Variants in METTL15 observed in about 807,000 individuals in gnomAD.
METTL15 encodes 12S rRNA N(4)-cytidine methyltransferase METTL15.
METTL15 carries 34 observed loss-of-function variants against 38.3 expected under a neutral mutation model. The ratio of observed to expected loss-of-function variants is 0.89; its 90% CI spans 0.68 to 1.18. METTL15 has a LOEUF of 1.18. Ranked by LOEUF, METTL15 falls within the 50% of genes most tolerant of loss-of-function variation. METTL15 has a pLI of 0.00. For synonymous variants in METTL15, 162 were observed against 170.9 expected (o/e 0.95, Z 0.41); for missense variants, 438 against 498.4 (o/e 0.88, Z 1.15).
chr11:28,170,895 A>G (rs940219570), intron 3 of METTL15, among the ~76,000 whole-genome samples: 1 of 152,140 alleles, frequency 6.6e-6, no homozygotes, highest in African/African-American at 2.4e-5. Flanking sequence ...GTGACTTACA[A>G]TGCCTAACCT....
intron 4 of METTL15, among the ~76,000 whole-genome samples, chr11:28,279,618 T>A (rs1277780138): frequency 6.6e-6 from 1 of 152,134 alleles, no homozygotes; most frequent in African/African-American, 2.4e-5. Flanking sequence ...AAGACTAACA[T>A]GGCCGGGTGC....
chr11:28,495,275 G>A (rs1203718431), intron 6 of METTL15, among the ~76,000 whole-genome samples: 1 of 152,170 alleles, frequency 6.6e-6, no homozygotes, highest in Non-Finnish European at 1.5e-5. Context: ...AGAGGGATGA[G>A]CTGTTGCAAA....
At chr11:28,175,051 CTCA>C (rs1851011228) in intron 3 of METTL15, among the ~76,000 whole-genome samples, 1 of 151,928 alleles carries the variant, frequency 6.6e-6, no homozygotes, top group Non-Finnish European at 1.5e-5. Context: ...CACCCAGTAA[CTCA>C]TCATTTAACA....
intron 3 of METTL15, among the ~76,000 whole-genome samples, chr11:28,127,687 C>G (rs757207668): frequency 2.0e-5 from 3 of 151,964 alleles, no homozygotes; most frequent in Admixed American, 6.6e-5. Flanking sequence ...TTGAAAGAAG[C>G]ATTTTATTGC....
At chr11:28,389,346 G>C (rs1379107107) in intron 5 of METTL15, among the ~76,000 whole-genome samples, 1 of 148,052 alleles carries the variant, frequency 6.8e-6, no homozygotes, top group Non-Finnish European at 1.5e-5. Context: ...TCGTCATTTA[G>C]CATTAGGTAA....
chr11:28,428,887 T>G (rs1456429455), intron 6 of METTL15, among the ~76,000 whole-genome samples: 1 of 152,220 alleles, frequency 6.6e-6, no homozygotes, highest in Admixed American at 6.5e-5. Context: ...ACCTGATACC[T>G]GGCATCCTAT....
At position 28,393,015 on chromosome 11, in the gene METTL15, C is replaced by T. The variant is rs78636577; in HGVS notation, c.*358+30979C>T. 0.012 allele frequency among the ~76,000 whole-genome samples: 1,800 copies of T among 151,998 alleles called. 211 individuals carry two copies. The East Asian group carries it at 0.29, about 24-fold the overall frequency. On this transcript the variant is annotated intron_variant and NMD_transcript_variant, in intron 5 of 7. Coordinates refer to the METTL15 transcript ENST00000532947. ...AAAAAGAAAAAAAAGCAAAACAGAA[C>T]ATAACCAGTGCTATTGGCAAGGATG...
chr11:28,388,749 T>A (rs538313168), intron 5 of METTL15, among the ~76,000 whole-genome samples: 1 of 152,280 alleles, frequency 6.6e-6, no homozygotes, highest in East Asian at 1.9e-4. Flanking sequence ...GTTACATATG[T>A]ATACATATGC....
At position 28,211,134 on chromosome 11, in the gene METTL15, C is replaced by T. The variant is rs989285155; in HGVS notation, c.343C>T (p.Leu115Phe). Residue 115 changes from leucine (L) to phenylalanine (F), a missense_variant, in exon 4 of 7, where the codon CTC becomes TTC. By Grantham distance (22) the Leu-to-Phe change is conservative (BLOSUM62 0). Coordinates refer to ENST00000407364, the MANE Select transcript of METTL15 (RefSeq NM_001113528.2). ...TCTGCAGAAGGAGTCAGATATTGTTCTCTATGCCTTGGACAGAGACCCAAC... is the reference window on the plus strand; with the variant it reads ...TCTGCAGAAGGAGTCAGATATTGTTTTCTATGCCTTGGACAGAGACCCAAC... ...AILQKESDIV[L>F]YALDRDPTAY... 5.6e-6 allele frequency: 9 copies of T among 1,612,924 alleles called. No individual in the cohort carries two copies. Among genetic ancestry groups the T allele is most frequent in the East Asian group, 2.2e-5 (1 of 44,830 alleles).
chr11:28,165,099 G>GT (rs1305501729), intron 3 of METTL15, among the ~76,000 whole-genome samples: 1 of 152,042 alleles, frequency 6.6e-6, no homozygotes, highest in Non-Finnish European at 1.5e-5. Flanking sequence ...ACTGGTAGAT[G>GT]TTTAGGTTGA....
intron 6 of METTL15, among the ~76,000 whole-genome samples, chr11:28,480,655 A>G (rs541652432): frequency 6.6e-6 from 1 of 152,314 alleles, no homozygotes; most frequent in South Asian, 2.1e-4. Flanking sequence ...AACTACTGTC[A>G]GGGGTAAGGC....
intron 5 of METTL15, among the ~76,000 whole-genome samples, chr11:28,413,877 T>G (rs1489121016): frequency 6.6e-6 from 1 of 152,208 alleles, no homozygotes; most frequent in Non-Finnish European, 1.5e-5. Flanking sequence ...TAATCTAGTC[T>G]TCTTGCTGTG....
intron 3 of METTL15, among the ~76,000 whole-genome samples, chr11:28,151,782 C>A (rs1228659832): frequency 2.1e-4 from 32 of 151,968 alleles, no homozygotes; most frequent in Admixed American, 2.0e-3. Context: ...GCATTACTGT[C>A]CCTCCTTCTG....
intron 6 of METTL15, among the ~76,000 whole-genome samples, chr11:28,459,584 A>G (rs1388867523): frequency 6.6e-6 from 1 of 152,144 alleles, no homozygotes; most frequent in Non-Finnish European, 1.5e-5. Flanking sequence ...CCTATGATCA[A>G]TTTTAGGAGT....
intron 5 of METTL15, among the ~76,000 whole-genome samples, chr11:28,410,366 A>C (rs1564923434): frequency 6.6e-6 from 1 of 152,152 alleles, no homozygotes; most frequent in Non-Finnish European, 1.5e-5. Context: ...TGATGCAAAA[A>C]TCCTGAATAA....
intron 4 of METTL15, among the ~76,000 whole-genome samples, chr11:28,230,660 C>T (rs1010815206): frequency 8.6e-5 from 13 of 151,956 alleles, no homozygotes; most frequent in Non-Finnish European, 1.3e-4. Flanking sequence ...TTCTCTAAAT[C>T]GTCAACTAAT....
At chr11:28,477,525 C>G (rs2133469499) in intron 6 of METTL15, 1 of 152,286 alleles carries the variant, frequency 6.6e-6, no homozygotes, top group Admixed American at 6.5e-5. Context: ...CCACAACGAT[C>G]CTTACAACAA....
At chr11:28,360,701 A>G (rs1850129637) in intron 4 of METTL15, among the ~76,000 whole-genome samples, 1 of 151,794 alleles carries the variant, frequency 6.6e-6, no homozygotes, top group African/African-American at 2.4e-5. Flanking sequence ...GTACATGTGG[A>G]CAATGTACCG....
At chr11:28,300,979 C>T (rs1466176706) in intron 6 of METTL15, among the ~76,000 whole-genome samples, 1 of 152,060 alleles carries the variant, frequency 6.6e-6, no homozygotes, top group African/African-American at 2.4e-5. Context: ...CCATTGTATT[C>T]CGGTGAAGAC....
Sources: gnomAD v4.1 joint callset for allele counts (sites outside exome capture counted in the v4.1 genomes callset) on GRCh38, gnomAD v4.1.1 for gene constraint, MANE v1.5 for transcripts, NCBI Gene and HGNC (gene_info 2026-07-23, HGNC 2026-07-21) for gene names.